The following PRIMA1 variants were observed in gnomAD, a reference collection of about 807,000 sequenced individuals.
The protein encoded by PRIMA1 is proline-rich membrane anchor 1.
In PRIMA1, 7 loss-of-function variants were observed where a neutral mutation model predicts 17.5. That is an observed-to-expected ratio of 0.40 (90% CI 0.23 to 0.75). The LOEUF (loss-of-function observed/expected upper bound fraction) is 0.75, where lower values mean the gene tolerates loss of function less well. Among genes scored for constraint, PRIMA1 ranks in the 30% least tolerant of loss-of-function variants. The pLI is 0.37. For synonymous variants in PRIMA1, 97 were observed against 77.9 expected, an observed-to-expected ratio of 1.25 and a Z score of -1.29; for missense variants, 200 against 201.8, an observed-to-expected ratio of 0.99 and a Z score of 0.05.
rs999582001 is a variant in PRIMA1, at chr14:93,719,282, G to A, written c.*2162C>T. ...CACCAGGGAGCCTCGCCTGGGGCTGGAAGATTAGGCTAACTGCAAAATCCA... is the reference window on the plus strand; with the variant it reads ...CACCAGGGAGCCTCGCCTGGGGCTGAAAGATTAGGCTAACTGCAAAATCCA... On this transcript the variant is annotated 3_prime_UTR_variant, in exon 5 of 5. Coordinates refer to ENST00000393140, the MANE Select transcript of PRIMA1 (RefSeq NM_178013.4). 1.3e-5 allele frequency: 2 copies of A among 152,208 alleles called. No homozygotes were observed. The highest frequency in any genetic ancestry group is 4.8e-5 in the African/African-American group (2 of 41,448). The allele number at this position is 152,208 out of a possible 1,614,324, so 9.4% of individuals were successfully genotyped here.
intron 4 of PRIMA1, among the ~76,000 whole-genome samples, chr14:93,730,619 T>C (rs1443792851): frequency 2.0e-5 from 3 of 152,150 alleles, no homozygotes; most frequent in African/African-American, 4.8e-5. Flanking sequence ...TCAGACTCCA[T>C]AGGAAACTCA....
intron 2 of PRIMA1, among the ~76,000 whole-genome samples, chr14:93,783,296 T>C (rs772006681): frequency 2.6e-5 from 4 of 152,224 alleles, no homozygotes; most frequent in African/African-American, 4.8e-5. Flanking sequence ...TATTATCCAC[T>C]CTTAACAGGT....
chr14:93,735,814 C>T (rs529555317), intron 4 of PRIMA1, among the ~76,000 whole-genome samples: 2 of 152,040 alleles, frequency 1.3e-5, no homozygotes, highest in South Asian at 2.1e-4. Context: ...GCCTCAGCCT[C>T]CTGAGGCTGG....
intron 2 of PRIMA1, among the ~76,000 whole-genome samples, chr14:93,784,112 T>C (rs1052044742): frequency 6.6e-6 from 1 of 152,218 alleles, no homozygotes; most frequent in African/African-American, 2.4e-5. Flanking sequence ...AGACACCCTA[T>C]TACATCTGAA....
intron 3 of PRIMA1, among the ~76,000 whole-genome samples, chr14:93,750,196 A>AT (rs1279606187): frequency 6.6e-6 from 1 of 152,112 alleles, no homozygotes; most frequent in African/African-American, 2.4e-5. Context: ...TAAAAAAAAA[A>AT]ATTTGCTGGG....
chr14:93,756,234 C>T (rs1050741398), intron 3 of PRIMA1, among the ~76,000 whole-genome samples: 6 of 152,278 alleles, frequency 3.9e-5, no homozygotes, highest in African/African-American at 1.4e-4. Flanking sequence ...ATTTTAAATA[C>T]CATTTCTTTT....
chr14:93,735,273 G>A (rs1249726531), intron 4 of PRIMA1, among the ~76,000 whole-genome samples: 1 of 152,136 alleles, frequency 6.6e-6, no homozygotes, highest in South Asian at 2.1e-4. Flanking sequence ...GTCTAGTCAC[G>A]GGCAAAGTCA....
At chr14:93,749,376 T>C (rs2076246641) in intron 3 of PRIMA1, among the ~76,000 whole-genome samples, 4 of 152,212 alleles carry the variant, frequency 2.6e-5, no homozygotes, top group African/African-American at 9.6e-5. Context: ...GTTAAGAGCC[T>C]GCTGTGTGCC....
chr14:93,772,072 G>A (rs1885086699), intron 3 of PRIMA1, among the ~76,000 whole-genome samples: 1 of 152,212 alleles, frequency 6.6e-6, no homozygotes, highest in Admixed American at 6.5e-5. Flanking sequence ...GAGATGAGGA[G>A]AGCAGAGCTT....
At chr14:93,728,506 G>A (rs896327363) in intron 4 of PRIMA1, among the ~76,000 whole-genome samples, 1 of 152,132 alleles carries the variant, frequency 6.6e-6, no homozygotes, top group Non-Finnish European at 1.5e-5. Context: ...TGGGGCAGAA[G>A]CCAGCCCCTG....
intron 3 of PRIMA1, among the ~76,000 whole-genome samples, chr14:93,737,699 C>T (rs190561918): frequency 1.5e-4 from 23 of 152,344 alleles, no homozygotes; most frequent in Admixed American, 2.0e-4. Flanking sequence ...GCTCCCTGAC[C>T]TTTCCGGCCA....
At chr14:93,774,790 C>A (rs568980407) in intron 3 of PRIMA1, among the ~76,000 whole-genome samples, 63 of 152,334 alleles carry the variant, frequency 4.1e-4, no homozygotes, top group African/African-American at 1.5e-3. Flanking sequence ...TTCCACAGGA[C>A]GATTACAGCA....
At position 93,720,142 on chromosome 14, in the gene PRIMA1, G is replaced by T. The variant is rs901299705; in HGVS notation, c.*1302C>A. On this transcript the variant is annotated 3_prime_UTR_variant, in exon 5 of 5. Coordinates refer to ENST00000393140, the MANE Select transcript of PRIMA1 (RefSeq NM_178013.4). ...GCTCCTTCTGAGCACATATGTAGGG[G>T]TGGTGGGGAGAGCCAGGGGGCCAGG... 22 of 152,300 alleles carry T rather than the reference G, an allele frequency of 1.4e-4. No individual in the cohort carries two copies. Among genetic ancestry groups the T allele is most frequent in the African/African-American group, 5.3e-4 (22 of 41,456 alleles). 9.4% of individuals were successfully genotyped at this position (152,300 alleles called of 1,614,324 possible).
chr14:93,729,114 G>T lies in PRIMA1; in HGVS notation c.360-7568C>A, dbSNP rs989408021. ...GTGGCAGTGAGGCCCAGGGGAAGGC[G>T]CACTGGCCAAGGAGTCAGAAGATCG... On this transcript the variant is annotated intron_variant, in intron 4 of 4. Transcript: ENST00000393140. Among the ~76,000 whole-genome samples, 18 of 152,218 alleles carry T rather than the reference G, an allele frequency of 1.2e-4. 1 individual carries two copies. The highest frequency in any genetic ancestry group is 4.3e-4 in the African/African-American group (18 of 41,450).
intron 3 of PRIMA1, among the ~76,000 whole-genome samples, chr14:93,737,571 C>G (rs8005268): frequency 1.3e-4 from 19 of 144,136 alleles, no homozygotes; most frequent in South Asian, 2.2e-4. Context: ...GGGGAGGTCA[C>G]TGGTGGGACC....
intron 2 of PRIMA1, among the ~76,000 whole-genome samples, chr14:93,786,430 C>A (rs1885525008): frequency 6.6e-6 from 1 of 152,188 alleles, no homozygotes; most frequent in African/African-American, 2.4e-5. Flanking sequence ...GTCACCCAGG[C>A]CATCATCCAG....
At chr14:93,752,536 G>A (rs2076266542) in intron 3 of PRIMA1, among the ~76,000 whole-genome samples, 1 of 152,152 alleles carries the variant, frequency 6.6e-6, no homozygotes, top group African/African-American at 2.4e-5. Context: ...CAAGCAGAGG[G>A]CTGCCCCGGC....
chr14:93,731,015 T>C (rs1203966945), intron 4 of PRIMA1, among the ~76,000 whole-genome samples: 2 of 152,078 alleles, frequency 1.3e-5, no homozygotes, highest in Non-Finnish European at 2.9e-5. Context: ...GAGAGGAGCA[T>C]GGAGCCCCCA....
At chr14:93,773,535 C>T (rs1253564720) in intron 3 of PRIMA1, among the ~76,000 whole-genome samples, 2 of 152,234 alleles carry the variant, frequency 1.3e-5, no homozygotes, top group Non-Finnish European at 2.9e-5. Context: ...GATACAAGCT[C>T]AAGTTGGAGA....
Sources: allele counts gnomAD v4.1 joint callset (sites outside exome capture counted in the v4.1 genomes callset), GRCh38; gene constraint gnomAD v4.1.1; transcripts MANE v1.5; gene names NCBI Gene and HGNC (gene_info 2026-07-23, HGNC 2026-07-21).